The following RUSF1 variants were observed in gnomAD, a reference collection of about 807,000 sequenced individuals.
RUSF1 encodes RUS family member 1.
A neutral mutation model predicts 63.0 loss-of-function variants in RUSF1; 58 were observed. The observed-to-expected ratio is 0.92, with a 90% CI of 0.75 to 1.15. The LOEUF (loss-of-function observed/expected upper bound fraction) is 1.15. RUSF1 is among the 50% of genes most tolerant of loss of function. The probability of loss-of-function intolerance (pLI) is 0.00; values close to 1 mark genes in which losing one functional copy is unlikely to be tolerated. For synonymous variants in RUSF1, 274 were observed against 255.8 expected (o/e 1.07, Z -0.68); for missense variants, 652 against 611.0 (o/e 1.07, Z -0.71).
intron 2 of RUSF1, among the ~76,000 whole-genome samples, chr16:31,506,193 C>T (rs1014380499): frequency 2.0e-5 from 3 of 152,202 alleles, no homozygotes; most frequent in African/African-American, 4.8e-5. Flanking sequence ...GATCAATGAA[C>T]ACAAACTTTG....
intron 5 of RUSF1, among the ~76,000 whole-genome samples, chr16:31,498,839 G>GAATCCCCGCCTCAGGCTGC (rs2082617941): frequency 6.6e-6 from 1 of 152,146 alleles, no homozygotes; most frequent in African/African-American, 2.4e-5. Flanking sequence ...GACCAGGCTG[G>GAATCCCCGCCTCAGGCTGC]AATCCCCGCC....
At chr16:31,499,132 T>G (rs2082619047) in intron 5 of RUSF1, 170 bp downstream of exon 5, 1 of 661,654 alleles carries the variant, frequency 1.5e-6, no homozygotes, top group Non-Finnish European at 2.7e-6. Flanking sequence ...TCTGGGGCAC[T>G]AGATGCTGTC....
chr16:31,490,958 C>G, intron 12 of RUSF1, 26 bp from the exon 13 acceptor site: 1 of 1,610,458 alleles, frequency 6.2e-7, no homozygotes, highest in African/African-American at 1.3e-5. Flanking sequence ...GGGGTGCTGC[C>G]GGGAATGCTG....
In RUSF1 at chr16:31,489,546, T is replaced by G. The variant is rs1256250545; in HGVS notation, c.*1289A>C. ...TGGGGGAGGCTTGATGTTGATGGGT[T>G]GGTGATTAAAGCCTCCCAAAGCCAA... On this transcript the variant is annotated 3_prime_UTR_variant, in exon 13 of 13. Coordinates refer to ENST00000327237, the MANE Select transcript of RUSF1 (RefSeq NM_022744.4). The G allele has an allele frequency of 1.6e-6, 1 of 619,096 alleles. No homozygotes were observed. Among genetic ancestry groups the G allele is most frequent in the Admixed American group, 2.6e-5 (1 of 37,910 alleles). The allele number at this position is 619,096 out of a possible 1,614,324, so 38.4% of individuals were successfully genotyped here.
rs982206127 is a variant in RUSF1, at chr16:31,490,043, C to T, written c.*792G>A. 2.5e-6 allele frequency: 4 copies of T among 1,609,244 alleles called. No individual in the cohort carries two copies. The highest frequency in any genetic ancestry group is 2.5e-6 in the Non-Finnish European group (3 of 1,178,860). On this transcript the variant is annotated 3_prime_UTR_variant, in exon 13 of 13. Coordinates refer to ENST00000327237, the MANE Select transcript of RUSF1 (RefSeq NM_022744.4). ...CAGTGACGAGCTGGTGTGCAAGAGACTTTAGGGCCAGGCATGGGGGGACAG... is the reference window on the plus strand; with the variant it reads ...CAGTGACGAGCTGGTGTGCAAGAGATTTTAGGGCCAGGCATGGGGGGACAG...
At chr16:31,496,326 G>A (rs1419977554) in intron 6 of RUSF1, among the ~76,000 whole-genome samples, 1 of 152,192 alleles carries the variant, frequency 6.6e-6, no homozygotes, top group African/African-American at 2.4e-5. Flanking sequence ...CTCCCAAAGT[G>A]CTAGGATGAC....
chr16:31,493,998 G>A lies in RUSF1; in HGVS notation c.703-62C>T, dbSNP rs200685643. Reference sequence around the variant, plus strand: ...CCCCTCCAGGCCAGACTGAGTGCCCGAGTGCCTTTCACCTCATCCTCCCTG... The same window carrying A: ...CCCCTCCAGGCCAGACTGAGTGCCCAAGTGCCTTTCACCTCATCCTCCCTG... On this transcript the variant is annotated intron_variant, in intron 6 of 12. Coordinates refer to ENST00000327237, the MANE Select transcript of RUSF1 (RefSeq NM_022744.4). The A allele has an allele frequency of 1.6e-4, 243 of 1,548,980 alleles. 1 individual carries two copies. The East Asian group carries it at 4.9e-3, about 31-fold the overall frequency.
At position 31,507,791 on chromosome 16, in the gene RUSF1, C is replaced by T; in HGVS notation, c.388G>A (p.Ala130Thr). ...TTCACGAGCCAGGTGGCCGTGGCAG[C>T]TGAAACAGTGGCTTTTGCGTTCCCC... is the stretch of plus-strand genomic sequence containing the variant. The part of the protein sequence containing the change: ...GVGNAKATVS[A>T]ATATWLVKDS... Residue 130 changes from alanine to threonine, a missense_variant, in exon 2 of 13, where the codon GCT becomes ACT. Coordinates refer to ENST00000327237, the MANE Select transcript of RUSF1 (RefSeq NM_022744.4). The T allele has an allele frequency of 6.4e-7, 1 of 1,573,214 alleles. No individual in the cohort carries two copies. Among genetic ancestry groups the T allele is most frequent in the Non-Finnish European group, 8.6e-7 (1 of 1,158,840 alleles).
At chr16:31,501,111 C>G (rs2082631009) in intron 2 of RUSF1, among the ~76,000 whole-genome samples, 1 of 152,188 alleles carries the variant, frequency 6.6e-6, no homozygotes, top group Admixed American at 6.5e-5. Flanking sequence ...CCACATACAG[C>G]ACAGTTTGCA....
intron 2 of RUSF1, among the ~76,000 whole-genome samples, chr16:31,503,922 A>C (rs557338696): frequency 6.4e-4 from 97 of 152,340 alleles, no homozygotes; most frequent in African/African-American, 2.3e-3. Context: ...TCAGCCTCCC[A>C]AAGTGCTGGG....
chr16:31,490,131 C>T lies in RUSF1; in HGVS notation c.*704G>A, dbSNP rs1255453416. Reference sequence around the variant, plus strand: ...CCACCGCCTGGTCTTCAGTCTCCGGCATAGCAAGGAGGAACGGGAGGACCT... The same window carrying T: ...CCACCGCCTGGTCTTCAGTCTCCGGTATAGCAAGGAGGAACGGGAGGACCT... On this transcript the variant is annotated 3_prime_UTR_variant, in exon 13 of 13. Transcript: ENST00000327237. 7 of 1,614,074 alleles carry T rather than the reference C, an allele frequency of 4.3e-6. No individual in the cohort carries two copies. The highest frequency in any genetic ancestry group is 5.9e-6 in the Non-Finnish European group (7 of 1,180,022).
chr16:31,505,298 C>G (rs2082653099), intron 2 of RUSF1, among the ~76,000 whole-genome samples: 1 of 152,062 alleles, frequency 6.6e-6, no homozygotes, highest in Non-Finnish European at 1.5e-5. Flanking sequence ...TTCCTGCTGA[C>G]CTTCTCCCCA....
Position 31,496,932 on chromosome 16 carries a change from C to CA in RUSF1, c.618dup (p.Gly207TrpfsTer20). On this transcript the variant is annotated frameshift_variant, in exon 6 of 13. Coordinates refer to ENST00000327237, the MANE Select transcript of RUSF1 (RefSeq NM_022744.4). LOFTEE classifies it high-confidence loss of function. ...GTCAGGGCAGCCCGAGTGGCCCCACCAGCAACACTCACGATGCACTGGGTG... is the reference window on the plus strand; with the variant it reads ...GTCAGGGCAGCCCGAGTGGCCCCACCAAGCAACACTCACGATGCACTGGGTG... 6.2e-7 allele frequency: 1 copy of CA among 1,608,508 alleles called. No individual in the cohort carries two copies. The highest frequency in any genetic ancestry group is 1.1e-5 in the South Asian group (1 of 89,778).
At position 31,507,778 on chromosome 16, in the gene RUSF1, G is replaced by A; in HGVS notation, c.401C>T (p.Thr134Ile). Reference sequence around the variant, plus strand: ...GTGCAGCTCACCTTTCACGAGCCAGGTGGCCGTGGCAGCTGAAACAGTGGC... The same window carrying A: ...GTGCAGCTCACCTTTCACGAGCCAGATGGCCGTGGCAGCTGAAACAGTGGC... ...AKATVSAATA[T>I]WLVKDSTGML... is the part of the protein sequence containing the mutation. Residue 134 changes from threonine to isoleucine, a missense_variant, in exon 2 of 13, where the codon ACC becomes ATC. By Grantham distance (89) the Thr-to-Ile change is moderately conservative. Transcript: ENST00000327237. The A allele has an allele frequency of 6.4e-7, 1 of 1,568,400 alleles. No homozygotes were observed. Among genetic ancestry groups the A allele is most frequent in the South Asian group, 1.2e-5 (1 of 85,094 alleles).
rs914091497 is a variant in RUSF1, at chr16:31,493,418, G to A, written c.1016+49C>T. ...GAGGCCAGTGTGTAATCGGAGTGAGGGGAGTGTGGGTGGCGGTGGTGACGA... is the reference window on the plus strand; with the variant it reads ...GAGGCCAGTGTGTAATCGGAGTGAGAGGAGTGTGGGTGGCGGTGGTGACGA... On this transcript the variant is annotated intron_variant, in intron 9 of 12. Transcript: ENST00000327237. 7.1e-6 allele frequency: 11 copies of A among 1,551,172 alleles called. No individual in the cohort carries two copies. In the East Asian group the frequency reaches 1.2e-4, roughly 17 times the overall value.
At chr16:31,505,878 A>C (rs1407897599) in intron 2 of RUSF1, among the ~76,000 whole-genome samples, 3 of 152,222 alleles carry the variant, frequency 2.0e-5, no homozygotes, top group Non-Finnish European at 2.9e-5. Flanking sequence ...TATGGTGTCC[A>C]GTAACCTTTT....
chr16:31,494,680 C>G lies in RUSF1; in HGVS notation c.703-744G>C, dbSNP rs115860696. 6.3e-3 allele frequency among the ~76,000 whole-genome samples: 961 copies of G among 151,948 alleles called. 17 individuals are homozygous for G. Among genetic ancestry groups the G allele is most frequent in the African/African-American group, 0.022 (921 of 41,426 alleles). On this transcript the variant is annotated intron_variant, in intron 6 of 12. Coordinates refer to ENST00000327237, the MANE Select transcript of RUSF1 (RefSeq NM_022744.4). ...CATCTTGTCTTGCAAGTCACCAGAA[C>G]AGACCCACACTCAGGCACTCACTAA...
chr16:31,507,915 A>G (rs2082669306), intron 1 of RUSF1, 37 bp from the exon 2 acceptor site: 5 of 1,547,582 alleles, frequency 3.2e-6, no homozygotes, highest in Admixed American at 2.0e-5. Context: ...AAGCGGGCGT[A>G]GGAGCGTGGC....
Position 31,500,750 on chromosome 16 carries a change from A to G in RUSF1, c.416-19T>C. ...GTTGAATCTGGGGGAAAGAAGGCAC[A>G]GGTAAGGAGCAAGGAAGAGGTGTGG... On this transcript the variant is annotated intron_variant, in intron 2 of 12. Coordinates refer to ENST00000327237, the MANE Select transcript of RUSF1 (RefSeq NM_022744.4). 1 of 1,611,188 alleles carries G rather than the reference A, an allele frequency of 6.2e-7. No homozygotes were observed. Among genetic ancestry groups the G allele is most frequent in the East Asian group, 2.2e-5 (1 of 44,854 alleles).
Sources: allele counts gnomAD v4.1 joint callset (sites outside exome capture counted in the v4.1 genomes callset), GRCh38; gene constraint gnomAD v4.1.1; transcripts MANE v1.5; gene names NCBI Gene and HGNC (gene_info 2026-07-23, HGNC 2026-07-21).